The following PPP2R5A variants were observed in gnomAD, a reference collection of about 807,000 sequenced individuals.
The protein encoded by PPP2R5A is protein phosphatase 2 regulatory subunit B'alpha.
In PPP2R5A, 25 loss-of-function variants were observed where a neutral mutation model predicts 64.2. That is an observed-to-expected ratio of 0.39 (90% CI 0.28 to 0.54). PPP2R5A has a LOEUF of 0.54. Among genes scored for constraint, PPP2R5A ranks in the 20% least tolerant of loss-of-function variants. PPP2R5A has a pLI of 0.67. For missense variants in PPP2R5A, 425 were observed against 576.3 expected (o/e 0.74, Z 2.69); for synonymous variants, 198 against 201.2 (o/e 0.98, Z 0.13).
At chr1:212,353,433 C>T (rs1284885355) in intron 8 of PPP2R5A, among the ~76,000 whole-genome samples, 1 of 152,196 alleles carries the variant, frequency 6.6e-6, no homozygotes, top group African/African-American at 2.4e-5. Context: ...AGTTAACAAG[C>T]TCATGAGATC....
chr1:212,317,236 C>CT (rs547781299), intron 1 of PPP2R5A, among the ~76,000 whole-genome samples: 9 of 151,750 alleles, frequency 5.9e-5, no homozygotes, highest in South Asian at 2.1e-4. Flanking sequence ...GTTTTTATCT[C>CT]TTTTTTTTGG....
chr1:212,320,235 CAT>C (rs1219297757), intron 1 of PPP2R5A, among the ~76,000 whole-genome samples: 1 of 152,126 alleles, frequency 6.6e-6, no homozygotes. Flanking sequence ...GGACACAGCA[CAT>C]GTTTCAGAGA....
rs577211249 is a variant in PPP2R5A at position 212,360,864 on chromosome 1, T to C, written c.*94T>C. ...CAAAACAAACCTCATCAGTATAATA[T>C]AATTAAAAGGCCAATTTTTTCTGGC... On this transcript the variant is annotated 3_prime_UTR_variant, in exon 13 of 13. Transcript: ENST00000261461. 2.4e-6 allele frequency: 3 copies of C among 1,258,642 alleles called. No individual in the cohort carries two copies. The highest frequency in any genetic ancestry group is 3.1e-6 in the Non-Finnish European group (3 of 960,288). The allele number at this position is 1,258,642 out of a possible 1,614,324, so 78.0% of individuals were successfully genotyped here.
chr1:212,359,381 A>C (rs1660041569), intron 12 of PPP2R5A, among the ~76,000 whole-genome samples: 1 of 152,174 alleles, frequency 6.6e-6, no homozygotes, highest in Non-Finnish European at 1.5e-5. Flanking sequence ...GGGTACTATT[A>C]ATATGTTGTC....
At chr1:212,309,021 A>G (rs1658973768) in intron 1 of PPP2R5A, 2 of 751,296 alleles carry the variant, frequency 2.7e-6, no homozygotes, top group Non-Finnish European at 2.4e-6. Flanking sequence ...AAAGATATAT[A>G]TATATATTTA....
chr1:212,334,747 T>C (rs1659562066), intron 3 of PPP2R5A, among the ~76,000 whole-genome samples: 1 of 152,202 alleles, frequency 6.6e-6, no homozygotes, highest in Non-Finnish European at 1.5e-5. Flanking sequence ...TGATGACAAG[T>C]TAGCCATTAA....
chr1:212,309,557 T>C (rs1658988284), intron 1 of PPP2R5A: 2 of 721,842 alleles, frequency 2.8e-6, no homozygotes, highest in South Asian at 3.0e-5. Context: ...AATCATAGTT[T>C]AGTTCTTTGA....
At chr1:212,332,431 A>C (rs1322986339) in intron 2 of PPP2R5A, among the ~76,000 whole-genome samples, 1 of 152,198 alleles carries the variant, frequency 6.6e-6, no homozygotes, top group Non-Finnish European at 1.5e-5. Context: ...AAAATTGTAG[A>C]TTAGGACCAC....
At position 212,353,539 on chromosome 1, in the gene PPP2R5A, T is replaced by TTCA. The variant is rs201755052; in HGVS notation, c.928-3087_928-3086insTCA. Among the ~76,000 whole-genome samples, 1,363 of 152,306 alleles carry TTCA rather than the reference T, an allele frequency of 8.9e-3. 9 individuals are homozygous for TTCA. The highest frequency in any genetic ancestry group is 0.034 in the Middle Eastern group (10 of 294). On this transcript the variant is annotated intron_variant, in intron 8 of 12. Coordinates refer to ENST00000261461, the MANE Select transcript of PPP2R5A (RefSeq NM_006243.4). ...GTACCACCACTGTTTCCCATGGAACTGAAAGGCCACCTTTGTCATATATTA... is the reference window on the plus strand; with the variant it reads ...GTACCACCACTGTTTCCCATGGAACTTCAGAAAGGCCACCTTTGTCATATATTA...
chr1:212,348,120 A>G (rs1479134818), intron 6 of PPP2R5A, among the ~76,000 whole-genome samples: 4 of 152,338 alleles, frequency 2.6e-5, no homozygotes, highest in South Asian at 2.1e-4. Flanking sequence ...AATAAAAGCA[A>G]CAATGCATAA....
chr1:212,303,404 CTT>C (rs1658834960), intron 1 of PPP2R5A, among the ~76,000 whole-genome samples: 2 of 152,018 alleles, frequency 1.3e-5, no homozygotes, highest in Admixed American at 1.3e-4. Context: ...AGAAATGACT[CTT>C]TAGATCCTTT....
intron 1 of PPP2R5A, among the ~76,000 whole-genome samples, chr1:212,321,855 G>A (rs1370847828): frequency 8.0e-5 from 12 of 150,518 alleles, no homozygotes; most frequent in East Asian, 2.0e-4. Context: ...GGTGGAGGTT[G>A]TAGCGAGCCG....
At chr1:212,320,596 C>G (rs559731824) in intron 1 of PPP2R5A, among the ~76,000 whole-genome samples, 1 of 143,788 alleles carries the variant, frequency 7.0e-6, no homozygotes, top group Non-Finnish European at 1.5e-5. Context: ...GCCTCCCTCC[C>G]GGACGGGGCA....
chr1:212,342,220 G>A lies in PPP2R5A; in HGVS notation c.513G>A (p.Glu171=). 1 of 1,613,452 alleles carries A rather than the reference G, an allele frequency of 6.2e-7. No homozygotes were observed. Among genetic ancestry groups the A allele is most frequent in the Non-Finnish European group, 8.5e-7 (1 of 1,179,726 alleles). Residue 171 remains glutamate, a synonymous_variant, in exon 4 of 13, where the codon GAG becomes GAA. Transcript: ENST00000261461. The part of the protein sequence containing the change: ...LVYEFFLRFL[E]SPDFQPSIAK... ...ATGAATTCTTCTTGAGATTTTTGGAGAGCCCTGATTTCCAGCCTAGCATTG... is the reference window on the plus strand; with the variant it reads ...ATGAATTCTTCTTGAGATTTTTGGAAAGCCCTGATTTCCAGCCTAGCATTG...
At chr1:212,335,705 TA>T (rs1659582896) in intron 3 of PPP2R5A, among the ~76,000 whole-genome samples, 1 of 152,204 alleles carries the variant, frequency 6.6e-6, no homozygotes, top group African/African-American at 2.4e-5. Flanking sequence ...AGTGGTAAAT[TA>T]TTTTTTAATA....
chr1:212,302,223 A>G, intron 1 of PPP2R5A: 1 of 823,644 alleles, frequency 1.2e-6, no homozygotes, highest in South Asian at 2.1e-5. Flanking sequence ...GGGGAAAACT[A>G]CAAATTATCT....
chr1:212,305,431 T>C (rs1484456714), intron 1 of PPP2R5A, among the ~76,000 whole-genome samples: 1 of 152,130 alleles, frequency 6.6e-6, no homozygotes, highest in Non-Finnish European at 1.5e-5. Context: ...TGTTTTATTA[T>C]CTGGTATGTG....
intron 1 of PPP2R5A, among the ~76,000 whole-genome samples, chr1:212,318,012 G>A (rs894874676): frequency 3.3e-5 from 5 of 152,156 alleles, no homozygotes; most frequent in African/African-American, 4.8e-5. Flanking sequence ...TGAAAAAGAC[G>A]TAAGAATTTG....
chr1:212,322,365 T>G (rs905186017), intron 1 of PPP2R5A, among the ~76,000 whole-genome samples: 1 of 152,160 alleles, frequency 6.6e-6, no homozygotes, highest in African/African-American at 2.4e-5. Flanking sequence ...TTCAACCTAT[T>G]TATATTTTCT....
Sources: allele counts gnomAD v4.1 joint callset (sites outside exome capture counted in the v4.1 genomes callset), GRCh38; gene constraint gnomAD v4.1.1; transcripts MANE v1.5; gene names NCBI Gene and HGNC (gene_info 2026-07-23, HGNC 2026-07-21).